Variants in GABRG3 observed in about 807,000 individuals in gnomAD.
GABRG3 encodes the protein gamma-aminobutyric acid type A receptor subunit gamma3.
In GABRG3, 25 loss-of-function variants were observed where a neutral mutation model predicts 48.8. The observed-to-expected ratio is 0.51, with a 90% CI of 0.37 to 0.72. The LOEUF (loss-of-function observed/expected upper bound fraction) is 0.72. GABRG3 is among the 30% of genes least tolerant of loss of function. The pLI is 0.00. For synonymous variants in GABRG3, 227 were observed against 217.6 expected, an observed-to-expected ratio of 1.04 and a Z score of -0.38; for missense variants, 394 against 577.9, an observed-to-expected ratio of 0.68 and a Z score of 3.26.
At chr15:27,515,513 C>T (rs1890998101) in intron 6 of GABRG3, among the ~76,000 whole-genome samples, 1 of 152,146 alleles carries the variant, frequency 6.6e-6, no homozygotes, top group African/African-American at 2.4e-5. Flanking sequence ...TTGCTAATCT[C>T]CAGGCCTCAG....
At chr15:27,249,408 G>A (rs1169162230) in intron 3 of GABRG3, among the ~76,000 whole-genome samples, 2 of 152,222 alleles carry the variant, frequency 1.3e-5, no homozygotes. Flanking sequence ...GGGCCTTGCA[G>A]AGCAGCATGA....
chr15:27,017,280 A>G (rs10519583), intron 2 of GABRG3, among the ~76,000 whole-genome samples: 23,912 of 152,184 alleles, frequency 0.16, 2,535 homozygotes, highest in African/African-American at 0.3. Context: ...TTGGTACAAA[A>G]GTAATTTCGA....
intron 3 of GABRG3, among the ~76,000 whole-genome samples, chr15:27,147,229 A>G (rs1898225398): frequency 6.6e-6 from 1 of 152,104 alleles, no homozygotes; most frequent in Non-Finnish European, 1.5e-5. Flanking sequence ...AATGTATATA[A>G]TGATAAATGA....
chr15:27,307,805 A>G (rs189510566), intron 3 of GABRG3, among the ~76,000 whole-genome samples: 11 of 122,864 alleles, frequency 9.0e-5, no homozygotes, highest in Non-Finnish European at 1.5e-4. Flanking sequence ...TAAAATAAAC[A>G]TAAACATATA....
intron 3 of GABRG3, among the ~76,000 whole-genome samples, chr15:27,246,656 C>T (rs1239336100): frequency 6.6e-6 from 1 of 152,130 alleles, no homozygotes. Flanking sequence ...ATAACTCTGG[C>T]TCCTAACACT....
intron 3 of GABRG3, among the ~76,000 whole-genome samples, chr15:27,111,103 T>C (rs1897540670): frequency 6.6e-6 from 1 of 152,228 alleles, no homozygotes; most frequent in East Asian, 1.9e-4. Flanking sequence ...TTTCCCTCTT[T>C]CTGTTTCAGT....
chr15:27,164,375 T>A (rs1819765958), intron 3 of GABRG3, among the ~76,000 whole-genome samples: 1 of 152,244 alleles, frequency 6.6e-6, no homozygotes, highest in Non-Finnish European at 1.5e-5. Flanking sequence ...TCATTTAGTA[T>A]CAAATCTACA....
intron 3 of GABRG3, among the ~76,000 whole-genome samples, chr15:27,072,865 T>C (rs1241815116): frequency 6.6e-6 from 1 of 152,192 alleles, no homozygotes; most frequent in East Asian, 1.9e-4. Context: ...TTGTTCCCTG[T>C]GGAGTGGAAA....
chr15:27,028,630 C>A lies in GABRG3; in HGVS notation c.270+1809C>A, dbSNP rs146151302. On this transcript the variant is annotated intron_variant, in intron 3 of 9. Transcript: ENST00000615808. ...GACCAGCCTGGTCAACGTGATGAAA[C>A]CCTGACTCTACTAAAAATATAAAAA... is the stretch of plus-strand genomic sequence containing the variant. 3.4e-3 allele frequency among the ~76,000 whole-genome samples: 519 copies of A among 151,976 alleles called. 3 individuals are homozygous for A. The highest frequency in any genetic ancestry group is 0.011 in the African/African-American group (476 of 41,464).
chr15:27,112,442 ATTTT>A (rs200203617), intron 3 of GABRG3, among the ~76,000 whole-genome samples: 2 of 137,640 alleles, frequency 1.5e-5, no homozygotes, highest in Admixed American at 7.3e-5. Context: ...TATTTCATTG[ATTTT>A]TTTTTTTTTT....
At chr15:27,279,247 G>A (rs921186252) in intron 3 of GABRG3, among the ~76,000 whole-genome samples, 2 of 152,178 alleles carry the variant, frequency 1.3e-5, no homozygotes, top group African/African-American at 4.8e-5. Flanking sequence ...GTTTTGGAGA[G>A]CAAAGATTTT....
At chr15:27,334,705 C>CAA (rs112944127) in intron 5 of GABRG3, among the ~76,000 whole-genome samples, 2 of 145,906 alleles carry the variant, frequency 1.4e-5, no homozygotes, top group Admixed American at 1.3e-4. Context: ...TGTCTATGGG[C>CAA]AAAAAAATAA....
chr15:27,216,765 T>TA (rs1298688545), intron 3 of GABRG3, among the ~76,000 whole-genome samples: 13 of 112,874 alleles, frequency 1.2e-4, no homozygotes, highest in African/African-American at 4.8e-4. Context: ...TTTATTTATT[T>TA]ATTTATTTTT....
intron 5 of GABRG3, among the ~76,000 whole-genome samples, chr15:27,387,058 G>A (rs2140568708): frequency 6.6e-6 from 1 of 152,216 alleles, no homozygotes; most frequent in South Asian, 2.1e-4. Context: ...TAATATTATA[G>A]AGAGTTACTT....
intron 3 of GABRG3, among the ~76,000 whole-genome samples, chr15:27,068,444 G>A (rs1471670501): frequency 6.6e-6 from 1 of 152,254 alleles, no homozygotes; most frequent in East Asian, 1.9e-4. Context: ...TGGGCACTGG[G>A]GAACTGTATG....
intron 3 of GABRG3, among the ~76,000 whole-genome samples, chr15:27,255,533 A>G (rs993443639): frequency 2.0e-5 from 3 of 152,214 alleles, no homozygotes; most frequent in Admixed American, 2.0e-4. Flanking sequence ...ATTCTGTTTC[A>G]GACCATTCCT....
intron 5 of GABRG3, among the ~76,000 whole-genome samples, chr15:27,379,654 T>G (rs2140562809): frequency 6.6e-6 from 1 of 152,318 alleles, no homozygotes; most frequent in Non-Finnish European, 1.5e-5. Context: ...TCTTTATTTC[T>G]CCTTCATTTT....
chr15:27,346,083 A>G lies in GABRG3; in HGVS notation c.574+17195A>G, dbSNP rs1378329853. ...ANNAAAAAAGAGAGAGAAAGAAGAG[A>G]GAGAAAGAAAGAAAGGAAAGAAAGA... On this transcript the variant is annotated intron_variant, in intron 5 of 9. Transcript: ENST00000615808. Among the ~76,000 whole-genome samples the G allele has an allele frequency of 9.0e-3, 349 of 38,910 alleles. 10 individuals carry two copies. The highest frequency in any genetic ancestry group is 0.033 in the African/African-American group (328 of 9,890). The allele number at this position is 38,910 out of a possible 152,430, so 25.5% of individuals were successfully genotyped here.
At chr15:27,378,122 A>G (rs1377246048) in intron 5 of GABRG3, among the ~76,000 whole-genome samples, 4 of 152,162 alleles carry the variant, frequency 2.6e-5, no homozygotes, top group Admixed American at 6.6e-5. Context: ...AAAAAAAAAA[A>G]CATTTTAGCT....
Sources: gnomAD v4.1 joint callset for allele counts (sites outside exome capture counted in the v4.1 genomes callset) on GRCh38, gnomAD v4.1.1 for gene constraint, MANE v1.5 for transcripts, NCBI Gene and HGNC (gene_info 2026-07-23, HGNC 2026-07-21) for gene names.